The following AGRN variants were observed in gnomAD, a reference collection of about 807,000 sequenced individuals.
The protein encoded by AGRN is agrin proteoglycan.
In AGRN, 106 loss-of-function variants were observed where a neutral mutation model predicts 211.0. The ratio of observed to expected loss-of-function variants is 0.50; its 90% CI spans 0.43 to 0.59. The LOEUF is 0.59. AGRN is among the 20% of genes least tolerant of loss of function. The pLI is 0.00. For missense variants in AGRN, 3,040 were observed against 2,982.6 expected, an observed-to-expected ratio of 1.02 and a Z score of -0.45; for synonymous variants, 1,525 against 1,332.5, an observed-to-expected ratio of 1.14 and a Z score of -3.15.
intron 2 of AGRN, chr1:1,034,383 G>C (rs752652980): frequency 8.5e-5 from 84 of 985,412 alleles, no homozygotes; most frequent in Non-Finnish European, 9.9e-5. Context: ...TGGAGGACTG[G>C]AGCCGGGACC....
chr1:1,024,708 ACCTGGCCCTGCCAGATCTT>A (rs1304859436), intron 2 of AGRN, among the ~76,000 whole-genome samples: 3 of 151,260 alleles, frequency 2.0e-5, no homozygotes, highest in Non-Finnish European at 4.4e-5. Flanking sequence ...TCAGTTTCTC[ACCTGGCCCTGCCAGATCTT>A]CCTGGCCCTG....
chr1:1,026,293 C>T (rs962565862), intron 2 of AGRN, among the ~76,000 whole-genome samples: 4 of 152,132 alleles, frequency 2.6e-5, no homozygotes, highest in South Asian at 4.1e-4. Context: ...CTGCTGCAGC[C>T]TCCAGGCCAA....
Position 1,053,615 on chromosome 1 carries a change from G to A in AGRN, c.5652-138G>A, listed in dbSNP as rs553717298. On this transcript the variant is annotated intron_variant, in intron 33 of 35. Coordinates refer to ENST00000379370, the MANE Select transcript of AGRN (RefSeq NM_198576.4). The stretch of plus-strand genomic sequence containing the variant: ...CATCCCTCTTCTCCCTCCCACTGTC[G>A]GTGTCTGCCCACCAGCCACCCCTGG... 926 of 1,492,246 alleles carry A rather than the reference G, an allele frequency of 6.2e-4. 5 individuals are homozygous for A. The African/African-American group carries it at 0.011, about 18-fold the overall frequency. 92.4% of individuals were successfully genotyped at this position (1,492,246 alleles called of 1,614,324 possible).
rs761275184 is a variant in AGRN at position 1,049,253 on chromosome 1, G to A, written c.4316G>A (p.Gly1439Glu). ...GCCCTCAGGTTTGACACAGGTTCGGGGCCGGCGGTGCTGACCAGTGCCGTG... is the reference window on the plus strand; with the variant it reads ...GCCCTCAGGTTTGACACAGGTTCGGAGCCGGCGGTGCTGACCAGTGCCGTG... ...RVQLRFDTGS[G>E]PAVLTSAVPV... Residue 1439 changes from glycine to glutamate, a missense_variant, in exon 25 of 36, where the codon GGG becomes GAG. By Grantham distance (98) the Gly-to-Glu change is moderately conservative. This residue lies in a region of AGRN where 1,537 missense variants were observed against 1,505.0 expected (regional missense o/e 1.02). Transcript: ENST00000379370. 9 of 1,587,458 alleles carry A rather than the reference G, an allele frequency of 5.7e-6. No homozygotes were observed. Among genetic ancestry groups the A allele is most frequent in the Non-Finnish European group, 7.7e-6 (9 of 1,173,122 alleles).
At chr1:1,022,590 T>TA (rs1644433225) in intron 2 of AGRN, 128 bp downstream of exon 2, 7 of 743,102 alleles carry the variant, frequency 9.4e-6, no homozygotes, top group Admixed American at 2.9e-5. Context: ...CGGTGTCTTG[T>TA]GGTCCAACCT....
At chr1:1,045,629 TGGCTGGG>T (rs1170734701) in intron 14 of AGRN, 97 bp from the exon 15 acceptor site, 1 of 1,606,482 alleles carries the variant, frequency 6.2e-7, no homozygotes, top group African/African-American at 1.3e-5. Flanking sequence ...GACCCACACC[TGGCTGGG>T]GGCTGGGCAG....
At chr1:1,028,382 G>GC (rs1644569641) in intron 2 of AGRN, among the ~76,000 whole-genome samples, 1 of 103,724 alleles carries the variant, frequency 9.6e-6, no homozygotes. Context: ...ACCACTCCAC[G>GC]CCAGCTGTTT....
chr1:1,053,750 C>T lies in AGRN; in HGVS notation c.5652-3C>T, dbSNP rs371046187. 42 of 1,597,136 alleles carry T rather than the reference C, an allele frequency of 2.6e-5. No individual in the cohort carries two copies. The highest frequency in any genetic ancestry group is 2.9e-5 in the Non-Finnish European group (34 of 1,172,786). On this transcript the variant is annotated splice_region_variant and splice_polypyrimidine_tract_variant and intron_variant, in intron 33 of 35. Transcript: ENST00000379370. ...AGGCCCTGACCTGCCCTCTGCCCTC[C>T]AGCGAGAAGGCACTGCAGAGCAACC...
intron 2 of AGRN, among the ~76,000 whole-genome samples, chr1:1,025,320 C>T (rs1644496890): frequency 6.6e-6 from 1 of 152,182 alleles, no homozygotes; most frequent in Non-Finnish European, 1.5e-5. Flanking sequence ...CTCCCTTCCT[C>T]CCTGCCTGGC....
chr1:1,023,338 A>G (rs1216550867), intron 2 of AGRN, among the ~76,000 whole-genome samples: 2 of 152,102 alleles, frequency 1.3e-5, no homozygotes, highest in Non-Finnish European at 2.9e-5. Context: ...TTCTCTGTGC[A>G]TGCCTGGGGG....
At chr1:1,050,135 G>T in intron 27 of AGRN, 98 bp downstream of exon 27, 1 of 1,592,436 alleles carries the variant, frequency 6.3e-7, no homozygotes, top group Non-Finnish European at 8.6e-7. Flanking sequence ...ATGCGGCTCA[G>T]TCTAGTCTGG....
chr1:1,048,121 G>A lies in AGRN; in HGVS notation c.3861G>A (p.Arg1287=), dbSNP rs759115477. ...SRLPSSAVTP[R]APHPSHTSQP... is the part of the protein sequence containing the mutation. The stretch of plus-strand genomic sequence containing the variant: ...TGCCGTCCTCTGCTGTGACCCCTCG[G>A]GCCCCGCACCCCAGTCACACAAGCC... The change falls in exon 23 of 36, where the codon CGG becomes CGA. Residue 1287 remains arginine, a synonymous_variant. Transcript: ENST00000379370. The surrounding 1 kb of genome is among the most constrained non-coding windows in gnomAD (Gnocchi z 5.9). The A allele has an allele frequency of 5.0e-5, 79 of 1,569,522 alleles. No homozygotes were observed. Among genetic ancestry groups the A allele is most frequent in the Non-Finnish European group, 6.2e-5 (72 of 1,165,352 alleles).
intron 7 of AGRN, among the ~76,000 whole-genome samples, chr1:1,042,545 C>T (rs927345384): frequency 6.6e-6 from 1 of 152,196 alleles, no homozygotes; most frequent in African/African-American, 2.4e-5. Context: ...AGTGTCAGGA[C>T]TTGAAGGGCC....
At chr1:1,035,243 G>A in intron 2 of AGRN, 34 bp from the exon 3 acceptor site, 1 of 1,612,252 alleles carries the variant, frequency 6.2e-7, no homozygotes, top group Non-Finnish European at 8.5e-7. Context: ...AGCCTGCTCA[G>A]AGGAGCCTAA....
chr1:1,029,795 A>G (rs28373660), intron 2 of AGRN, among the ~76,000 whole-genome samples: 56,021 of 71,726 alleles, frequency 0.78, 24,314 homozygotes, highest in East Asian at 1. Flanking sequence ...GTGTGTGTGT[A>G]TGCAGTGCAT....
chr1:1,053,019 ATGTG>A (rs920180160), intron 33 of AGRN: 9 of 193,572 alleles, frequency 4.6e-5, no homozygotes, highest in Admixed American at 2.2e-4. Context: ...ACACGTGTGT[ATGTG>A]TGTGAACATG....
rs1440494987 is a variant in AGRN, at chr1:1,040,753, C to T, written c.600C>T (p.Ser200=). Residue 200 remains serine, a synonymous_variant, in exon 4 of 36, where the codon AGC becomes AGT. Coordinates refer to ENST00000379370, the MANE Select transcript of AGRN (RefSeq NM_198576.4). The part of the protein sequence containing the change: ...PGRASCVCKK[S]PCPSVVAPVC... ...GGGCGTCCTGCGTCTGCAAGAAGAG[C>T]CCGTGCCCCAGCGTGGTGGCGCCTG... 1 of 1,543,452 alleles carries T rather than the reference C, an allele frequency of 6.5e-7. No individual in the cohort carries two copies. Among genetic ancestry groups the T allele is most frequent in the South Asian group, 1.2e-5 (1 of 84,092 alleles).
In AGRN at chr1:1,049,979, C is replaced by G. The variant is rs149543827; in HGVS notation, c.4821C>G (p.Pro1607=). Residue 1607 remains proline (P), a synonymous_variant, in exon 27 of 36, where the codon CCC becomes CCG. Transcript: ENST00000379370. Reference sequence around the variant, plus strand: ...GGGCGGCGCCCTGCCGTGTGCTGCCCGAGGGTGGTGCTCAGTGCGAGTGCC... The same window carrying G: ...GGGCGGCGCCCTGCCGTGTGCTGCCGGAGGGTGGTGCTCAGTGCGAGTGCC... The part of the protein sequence containing the change: ...CHGAAPCRVL[P]EGGAQCECPL... The G allele has an allele frequency of 6.2e-7, 1 of 1,607,568 alleles. No individual in the cohort carries two copies. Among genetic ancestry groups the G allele is most frequent in the South Asian group, 1.1e-5 (1 of 90,898 alleles).
In AGRN at chr1:1,045,970, C is replaced by T. The variant is rs771658818; in HGVS notation, c.2687C>T (p.Ser896Phe). The change falls in exon 16 of 36, where the codon TCT becomes TTT. Residue 896 changes from serine (S) to phenylalanine (F), a missense_variant. This residue lies in a region of AGRN where 1,498 missense variants were observed against 1,457.8 expected (regional missense o/e 1.03). Coordinates refer to ENST00000379370, the MANE Select transcript of AGRN (RefSeq NM_198576.4). ...LGPAGCEADA[S>F]APATCAEMRC... ...TCCCATGCCCGTGCCCCAGACGCTT[C>T]TGCGCCTGCGACCTGTGCGGAGATG... The T allele has an allele frequency of 1.2e-6, 2 of 1,613,710 alleles. No homozygotes were observed. The highest frequency in any genetic ancestry group is 2.2e-5 in the South Asian group (2 of 91,086).
Sources: gnomAD v4.1 joint callset for allele counts (sites outside exome capture counted in the v4.1 genomes callset) on GRCh38, gnomAD v4.1.1 for gene constraint, gnomAD v4.1.1 regional missense constraint, Gnocchi (gnomAD v3.1) non-coding constraint, MANE v1.5 for transcripts, NCBI Gene and HGNC (gene_info 2026-07-23, HGNC 2026-07-21) for gene names.